The following CYP2S1 variants were observed in gnomAD, a reference collection of about 807,000 sequenced individuals.
CYP2S1 encodes the protein cytochrome P450 2S1.
In CYP2S1, 32 loss-of-function variants were observed where a neutral mutation model predicts 43.5. That is an observed-to-expected ratio of 0.74 (90% CI 0.56 to 0.99). The LOEUF (loss-of-function observed/expected upper bound fraction) is 0.99. CYP2S1 is among the 50% of genes least tolerant of loss of function. The pLI is 0.00. For missense variants in CYP2S1, 575 were observed against 673.9 expected (o/e 0.85, Z 1.62); for synonymous variants, 283 against 302.9 (o/e 0.93, Z 0.68).
chr19:41,204,643 G>A (rs1415786079), intron 7 of CYP2S1, among the ~76,000 whole-genome samples: 10 of 140,212 alleles, frequency 7.1e-5, no homozygotes, highest in Non-Finnish European at 1.4e-4. Context: ...TGTTGCCCAG[G>A]CTGGAGTGCA....
At position 41,205,406 on chromosome 19, in the gene CYP2S1, T is replaced by C. The variant is rs1021978559; in HGVS notation, c.1165-552T>C. Reference sequence around the variant, plus strand: ...TCTCTCTCTCTCTTTCTTTCTCTCTTTCTTTCTTTCTTTCTCTCTCTCTCT... The same window carrying C: ...TCTCTCTCTCTCTTTCTTTCTCTCTCTCTTTCTTTCTTTCTCTCTCTCTCT... On this transcript the variant is annotated intron_variant, in intron 7 of 8. Coordinates refer to ENST00000310054, the MANE Select transcript of CYP2S1 (RefSeq NM_030622.8). Among the ~76,000 whole-genome samples, 737 of 84,168 alleles carry C rather than the reference T, an allele frequency of 8.8e-3. 9 individuals carry two copies. Among genetic ancestry groups the C allele is most frequent in the African/African-American group, 0.045 (697 of 15,486 alleles). The allele number at this position is 84,168 out of a possible 152,430, so 55.2% of individuals were successfully genotyped here.
At chr19:41,205,813 C>A in intron 7 of CYP2S1, 145 bp from the exon 8 acceptor site, 1 of 1,067,834 alleles carries the variant, frequency 9.4e-7, no homozygotes, top group Non-Finnish European at 1.3e-6. Flanking sequence ...TGAGCCACTG[C>A]ACGCCACTCA....
At chr19:41,202,591 A>T (rs1441382639) in intron 6 of CYP2S1, among the ~76,000 whole-genome samples, 1 of 151,240 alleles carries the variant, frequency 6.6e-6, no homozygotes, top group African/African-American at 2.4e-5. Flanking sequence ...GGAGTTCAAG[A>T]TCAGCCTGGG....
At chr19:41,195,989 C>G (rs942947532) in intron 2 of CYP2S1, among the ~76,000 whole-genome samples, 2 of 151,856 alleles carry the variant, frequency 1.3e-5, no homozygotes, top group African/African-American at 4.8e-5. Context: ...GTGGGAGAGG[C>G]GGGCTTATAC....
Position 41,206,013 on chromosome 19 carries a change from A to G in CYP2S1, c.1220A>G (p.Lys407Arg), listed in dbSNP as rs747835908. The G allele has an allele frequency of 6.2e-7, 1 of 1,614,004 alleles. No individual in the cohort carries two copies. Among genetic ancestry groups the G allele is most frequent in the Non-Finnish European group, 8.5e-7 (1 of 1,179,986 alleles). The change falls in exon 8 of 9, where the codon AAG becomes AGG. Residue 407 changes from lysine to arginine, a missense_variant. Transcript: ENST00000310054. ...GSILHDPNIF[K>R]HPEEFNPDRF... ...ATCCTGCATGACCCCAACATCTTCAAGCACCCAGAAGAGTTCAACCCAGAC... is the reference window on the plus strand; with the variant it reads ...ATCCTGCATGACCCCAACATCTTCAGGCACCCAGAAGAGTTCAACCCAGAC...
chr19:41,198,064 G>A lies in CYP2S1; in HGVS notation c.493+136G>A. ...CCTTGAACTCTAGGGCTGGCCTGGGGGTTCTGTTCACTGCCACCTTCTGTC... is the reference window on the plus strand; with the variant it reads ...CCTTGAACTCTAGGGCTGGCCTGGGAGTTCTGTTCACTGCCACCTTCTGTC... On this transcript the variant is annotated intron_variant, in intron 3 of 8. Transcript: ENST00000310054. The surrounding 1 kb of genome is among the most constrained non-coding windows in gnomAD (Gnocchi z 4.9). 3.1e-6 allele frequency: 4 copies of A among 1,283,602 alleles called. No homozygotes were observed. The highest frequency in any genetic ancestry group is 4.2e-6 in the Non-Finnish European group (4 of 958,944). 79.5% of individuals were successfully genotyped at this position (1,283,602 alleles called of 1,614,324 possible).
Position 41,198,172 on chromosome 19 carries a change from ATC to A in CYP2S1, c.493+254_493+255del, listed in dbSNP as rs1263290988. Among the ~76,000 whole-genome samples the A allele has an allele frequency of 1.4e-5, 2 of 148,112 alleles. No homozygotes were observed. Among genetic ancestry groups the A allele is most frequent in the Non-Finnish European group, 3.0e-5 (2 of 66,784 alleles). On this transcript the variant is annotated intron_variant, in intron 3 of 8. Transcript: ENST00000310054. This position sits in a 1 kb window ranked among gnomAD's most constrained non-coding sequence, Gnocchi z 4.9. ...ATCATCCCATTCTTCCTGGGTCTCC[ATC>A]TCTCTCTCTGTCTCTTTTCTTTCTC...
intron 1 of CYP2S1, 89 bp downstream of exon 1, chr19:41,193,530 C>T: frequency 8.7e-6 from 12 of 1,372,994 alleles, no homozygotes; most frequent in Non-Finnish European, 1.1e-5. Context: ...TTTCGGGTAT[C>T]CTAGGGAGGA....
rs968736135 is a variant in CYP2S1, at chr19:41,198,655, C to T, written c.654+33C>T. 6.2e-7 allele frequency: 1 copy of T among 1,613,546 alleles called. No individual in the cohort carries two copies. Among genetic ancestry groups the T allele is most frequent in the Admixed American group, 1.7e-5 (1 of 59,986 alleles). On this transcript the variant is annotated intron_variant, in intron 4 of 8. Coordinates refer to ENST00000310054, the MANE Select transcript of CYP2S1 (RefSeq NM_030622.8). The surrounding 1 kb of genome is among the most constrained non-coding windows in gnomAD (Gnocchi z 4.9). ...GGTGGGACCCCTCTCCAACTACCTT[C>T]CCTGAAGGTTCCTGCCAAGGTCCCA...
Position 41,193,351 on chromosome 19 carries a change from A to T in CYP2S1, c.87A>T (p.Arg29=), listed in dbSNP as rs2122148314. ...LTLALSGTRA[R]GHLPPGPTPL... is the part of the protein sequence containing the mutation. ...TGGCGCTGTCCGGGACCAGGGCCCGAGGCCACCTGCCCCCCGGGCCCACGC... is the reference window on the plus strand; with the variant it reads ...TGGCGCTGTCCGGGACCAGGGCCCGTGGCCACCTGCCCCCCGGGCCCACGC... Residue 29 remains arginine, a synonymous_variant, in exon 1 of 9, where the codon CGA becomes CGT. Coordinates refer to ENST00000310054, the MANE Select transcript of CYP2S1 (RefSeq NM_030622.8). 3.9e-6 allele frequency: 6 copies of T among 1,534,770 alleles called. No homozygotes were observed. The South Asian group carries it at 7.2e-5, about 18-fold the overall frequency.
At chr19:41,204,564 ATGC>A (rs1462986960) in intron 7 of CYP2S1, among the ~76,000 whole-genome samples, 1 of 148,236 alleles carries the variant, frequency 6.7e-6, no homozygotes, top group African/African-American at 2.5e-5. Context: ...CAGTGCTGCT[ATGC>A]TGCTATTTTC....
intron 6 of CYP2S1, among the ~76,000 whole-genome samples, chr19:41,203,204 C>T (rs2033512879): frequency 6.9e-6 from 1 of 145,890 alleles, no homozygotes; most frequent in Admixed American, 6.8e-5. Context: ...AAGAGCAAAA[C>T]TCCGTTGCAA....
At position 41,207,284 on chromosome 19, in the gene CYP2S1, C is replaced by T. The variant is rs903378307; in HGVS notation, c.*796C>T. 11 of 205,384 alleles carry T rather than the reference C, an allele frequency of 5.4e-5. No homozygotes were observed. The highest frequency in any genetic ancestry group is 2.5e-4 in the African/African-American group (11 of 43,512). 12.7% of individuals were successfully genotyped at this position (205,384 alleles called of 1,614,324 possible). On this transcript the variant is annotated 3_prime_UTR_variant, in exon 9 of 9. Coordinates refer to ENST00000310054, the MANE Select transcript of CYP2S1 (RefSeq NM_030622.8). ...CGAGGACCCTCAGACCGGAGGAACACCTGCCCAACCCCAACACGTGCTTAT... is the reference window on the plus strand; with the variant it reads ...CGAGGACCCTCAGACCGGAGGAACATCTGCCCAACCCCAACACGTGCTTAT...
Position 41,194,722 on chromosome 19 carries a change from C to T in CYP2S1, c.343+13C>T, listed in dbSNP as rs577807217. The T allele has an allele frequency of 1.7e-5, 27 of 1,600,182 alleles. No homozygotes were observed. In the South Asian group the frequency reaches 2.9e-4, roughly 17 times the overall value. On this transcript the variant is annotated intron_variant, in intron 2 of 8. Transcript: ENST00000310054. ...TTTGATGGCCATGGTAAGTCAAGGG[C>T]TGCTAGGCCCTCCGCTCACAGCCTG... is the stretch of plus-strand genomic sequence containing the variant.
In CYP2S1 at chr19:41,195,989, C is replaced by T. The variant is rs942947532; in HGVS notation, c.343+1280C>T. ...GTGTCCTCTCCTACTGTGGGAGAGGCGGGCTTATACTGCAGTAAGACAATA... is the reference window on the plus strand; with the variant it reads ...GTGTCCTCTCCTACTGTGGGAGAGGTGGGCTTATACTGCAGTAAGACAATA... On this transcript the variant is annotated intron_variant, in intron 2 of 8. Transcript: ENST00000310054. Among the ~76,000 whole-genome samples, 11 of 151,974 alleles carry T rather than the reference C, an allele frequency of 7.2e-5. No individual in the cohort carries two copies. The East Asian group carries it at 7.8e-4, about 11-fold the overall frequency.
chr19:41,199,885 G>A (rs1405817169), intron 5 of CYP2S1, among the ~76,000 whole-genome samples: 1 of 150,892 alleles, frequency 6.6e-6, no homozygotes, highest in Non-Finnish European at 1.5e-5. Context: ...CAGGAGAATC[G>A]CTTGAACCCG....
At chr19:41,201,139 T>C (rs2033482997) in intron 5 of CYP2S1, 92 bp from the exon 6 acceptor site, 15 of 1,501,488 alleles carry the variant, frequency 1.0e-5, no homozygotes, top group Middle Eastern at 2.3e-4. Context: ...GACAAAACTT[T>C]AACTTGTGTT....
Position 41,194,667 on chromosome 19 carries a change from C to G in CYP2S1, c.301C>G (p.Arg101Gly). The change falls in exon 2 of 9, where the codon CGG becomes GGG. Residue 101 changes from arginine to glycine, a missense_variant. Around this residue, in one of 2 missense-constraint regions of CYP2S1, gnomAD observed 353 missense variants for 367.6 expected, o/e 0.96. Transcript: ENST00000310054. ...AGGTCAGGCTGAGGAGTTCAGCGGC[C>G]GGGGAACCGTAGCGATGCTGGAAGG... ...LGGQAEEFSGRGTVAMLEGTF... is the reference protein window; with the variant it reads ...LGGQAEEFSGGGTVAMLEGTF... 6.2e-7 allele frequency: 1 copy of G among 1,612,098 alleles called. No homozygotes were observed. The highest frequency in any genetic ancestry group is 1.7e-5 in the Admixed American group (1 of 59,582).
Position 41,194,660 on chromosome 19 carries a change from C to T in CYP2S1, c.294C>T (p.Phe98=), listed in dbSNP as rs1480481365. Residue 98 remains phenylalanine (F), a synonymous_variant, in exon 2 of 9, where the codon TTC becomes TTT. Coordinates refer to ENST00000310054, the MANE Select transcript of CYP2S1 (RefSeq NM_030622.8). Reference sequence around the variant, plus strand: ...CCCTGGGAGGTCAGGCTGAGGAGTTCAGCGGCCGGGGAACCGTAGCGATGC... The same window carrying T: ...CCCTGGGAGGTCAGGCTGAGGAGTTTAGCGGCCGGGGAACCGTAGCGATGC... ...REALGGQAEE[F]SGRGTVAMLE... is the part of the protein sequence containing the mutation. 2.5e-6 allele frequency: 4 copies of T among 1,612,264 alleles called. No individual in the cohort carries two copies. In the South Asian group the frequency reaches 4.4e-5, roughly 18 times the overall value.
Sources: allele counts gnomAD v4.1 joint callset (sites outside exome capture counted in the v4.1 genomes callset), GRCh38; gene constraint gnomAD v4.1.1; regional missense constraint gnomAD v4.1.1; non-coding constraint Gnocchi (gnomAD v3.1); transcripts MANE v1.5; gene names NCBI Gene and HGNC (gene_info 2026-07-23, HGNC 2026-07-21).